Variants in SCUBE2 observed in about 807,000 individuals in gnomAD.
SCUBE2 encodes the protein signal peptide, CUB and EGF-like domain-containing protein 2.
SCUBE2 carries 114 observed loss-of-function variants against 125.9 expected under a neutral mutation model. That is an observed-to-expected ratio of 0.91 (90% CI 0.78 to 1.06). The LOEUF (loss-of-function observed/expected upper bound fraction) is 1.06, where lower values mean the gene tolerates loss of function less well. SCUBE2 is among the 50% of genes least tolerant of loss of function. The pLI, the probability that SCUBE2 is intolerant of heterozygous loss-of-function variation, is 0.00. For missense variants in SCUBE2, 1,255 were observed against 1,301.8 expected, an observed-to-expected ratio of 0.96 and a Z score of 0.55; for synonymous variants, 459 against 492.9, an observed-to-expected ratio of 0.93 and a Z score of 0.91.
chr11:9,090,255 T>C (rs1862521584), intron 1 of SCUBE2: 1 of 155,426 alleles, frequency 6.4e-6, no homozygotes, highest in Non-Finnish European at 1.4e-5. Context: ...GCGCAGTACC[T>C]GGCATGTGAG....
chr11:9,079,735 G>C (rs912473092), intron 2 of SCUBE2, among the ~76,000 whole-genome samples: 2 of 151,852 alleles, frequency 1.3e-5, no homozygotes, highest in Admixed American at 1.3e-4. Flanking sequence ...AATAAATTAT[G>C]GTACCTCTAC....
chr11:9,059,370 G>A lies in SCUBE2; in HGVS notation c.1023C>T (p.Ile341=), dbSNP rs148143116. The A allele has an allele frequency of 1.3e-4, 203 of 1,614,046 alleles. No individual in the cohort carries two copies. The highest frequency in any genetic ancestry group is 1.6e-4 in the Middle Eastern group (1 of 6,084). The change falls in exon 9 of 23, where the codon ATC becomes ATT. Residue 341 remains isoleucine (I), a synonymous_variant. Coordinates refer to ENST00000649792, the MANE Select transcript of SCUBE2 (RefSeq NM_001367977.2). ...NGGCDHFCKN[I]VGSFDCGCKK... is the part of the protein sequence containing the mutation. ...TGCAGCCGCAGTCAAAACTGCCCAC[G>A]ATGTTTTTGCAGAAATGATCACAAC...
rs1858603498 is a variant in SCUBE2, at chr11:9,053,166, G to C, written c.1380C>G (p.His460Gln). The change falls in exon 12 of 23, where the codon CAC becomes CAG. Residue 460 changes from histidine (H) to glutamine (Q), a missense_variant. Transcript: ENST00000649792. ...PTSVSPRVSLHCGKSGGGDGC... is the reference protein window; with the variant it reads ...PTSVSPRVSLQCGKSGGGDGC... ...CGTCTCCTCCACCACTCTTACCGCA[G>C]TGCAGGGACACACGGGGTGACACAC... 1.2e-6 allele frequency: 2 copies of C among 1,614,220 alleles called. No homozygotes were observed. Among genetic ancestry groups the C allele is most frequent in the East Asian group, 4.5e-5 (2 of 44,884 alleles).
At chr11:9,075,848 G>A (rs2135851578) in intron 3 of SCUBE2, among the ~76,000 whole-genome samples, 1 of 152,342 alleles carries the variant, frequency 6.6e-6, no homozygotes, top group South Asian at 2.1e-4. Flanking sequence ...CTGCAGGGCT[G>A]GGAGCCTTGT....
Position 9,062,618 on chromosome 11 carries a change from G to A in SCUBE2, c.851-2094C>T, listed in dbSNP as rs1859790042. ...AACAAAGATAATCTAGAGAACAGAA[G>A]AGGAGTTAAAATCTCGTAATTAATT... On this transcript the variant is annotated intron_variant, in intron 7 of 22. Coordinates refer to ENST00000649792, the MANE Select transcript of SCUBE2 (RefSeq NM_001367977.2). Among the ~76,000 whole-genome samples the A allele has an allele frequency of 2.6e-5, 4 of 152,170 alleles. No homozygotes were observed. In the South Asian group the frequency reaches 8.3e-4, roughly 32 times the overall value.
intron 5 of SCUBE2, among the ~76,000 whole-genome samples, chr11:9,068,604 A>AG (rs1246555983): frequency 6.6e-6 from 1 of 152,166 alleles, no homozygotes; most frequent in Non-Finnish European, 1.5e-5. Context: ...AGCACCCAGG[A>AG]GGCTTCTGAT....
At chr11:9,057,051 A>G (rs75282852) in intron 9 of SCUBE2, among the ~76,000 whole-genome samples, 4,209 of 152,352 alleles carry the variant, frequency 0.028, 85 homozygotes, top group Middle Eastern at 0.092. Flanking sequence ...CCGATCAGTG[A>G]AAAATGAGAA....
At chr11:9,025,068 G>C (rs1324810548) in intron 21 of SCUBE2, among the ~76,000 whole-genome samples, 1 of 152,184 alleles carries the variant, frequency 6.6e-6, no homozygotes, top group Non-Finnish European at 1.5e-5. Flanking sequence ...TATGCTCCTA[G>C]TCAATGTTTT....
At chr11:9,051,237 C>T (rs867222611) in intron 13 of SCUBE2, among the ~76,000 whole-genome samples, 97 of 150,386 alleles carry the variant, frequency 6.5e-4, no homozygotes, top group African/African-American at 1.7e-3. Context: ...TACCTACCTA[C>T]CTATCTATCT....
chr11:9,061,381 A>G (rs1348918287), intron 7 of SCUBE2, among the ~76,000 whole-genome samples: 1 of 147,842 alleles, frequency 6.8e-6, no homozygotes, highest in Non-Finnish European at 1.5e-5. Context: ...ACGTGGTGAG[A>G]CCCCCATCTC....
rs1858662206 is a variant in SCUBE2, at chr11:9,053,569, G to A, written c.1330+68C>T. ...ACGGTCAGGTGGGATGTGGGAGCAC[G>A]CAGAGCTGCACTGCCTCTGGGCCAG... On this transcript the variant is annotated intron_variant, in intron 11 of 22. Transcript: ENST00000649792. The A allele has an allele frequency of 4.4e-6, 7 of 1,577,082 alleles. No homozygotes were observed. The Admixed American group carries it at 6.8e-5, about 15-fold the overall frequency.
rs1206669870 is a variant in SCUBE2 at position 9,090,479 on chromosome 11, T to TTA, written c.134-652_134-651dup. On this transcript the variant is annotated intron_variant, in intron 1 of 22. Transcript: ENST00000649792. ...AAACATTATGAGATTTTTTTTTTAT[T>TTA]TATTTATTTATTTTTTTTTTTTGCT... The TTA allele has an allele frequency of 1.6e-4, 8 of 50,674 alleles. No homozygotes were observed. In the East Asian group the frequency reaches 5.5e-3, roughly 35 times the overall value. 3.1% of individuals were successfully genotyped at this position (50,674 alleles called of 1,614,324 possible).
At chr11:9,079,569 G>A in intron 2 of SCUBE2, 60 bp from the exon 3 acceptor site, 1 of 1,553,686 alleles carries the variant, frequency 6.4e-7, no homozygotes, top group Non-Finnish European at 8.8e-7. Flanking sequence ...GAAAACATAT[G>A]CACTTACCTC....
chr11:9,039,795 A>C (rs1758778708), intron 16 of SCUBE2, among the ~76,000 whole-genome samples: 1 of 152,132 alleles, frequency 6.6e-6, no homozygotes, highest in Admixed American at 6.5e-5. Flanking sequence ...GGCACCCACA[A>C]CTCGGGCGCA....
intron 4 of SCUBE2, 64 bp from the exon 5 acceptor site, chr11:9,069,559 C>A: frequency 6.2e-7 from 1 of 1,602,292 alleles, no homozygotes; most frequent in Non-Finnish European, 8.5e-7. Flanking sequence ...CCTGGGAGAG[C>A]GGCAAAGGGC....
chr11:9,089,288 G>T (rs1462884246), intron 2 of SCUBE2, among the ~76,000 whole-genome samples: 1 of 152,220 alleles, frequency 6.6e-6, no homozygotes, highest in Non-Finnish European at 1.5e-5. Flanking sequence ...CTCCTGAGCT[G>T]GTAGGGGAGG....
intron 4 of SCUBE2, among the ~76,000 whole-genome samples, chr11:9,071,258 A>C (rs963595793): frequency 2.0e-5 from 3 of 152,252 alleles, no homozygotes; most frequent in African/African-American, 4.8e-5. Context: ...TCTGTTTACA[A>C]GACTGTTAAG....
At chr11:9,029,795 G>C in intron 19 of SCUBE2, 89 bp downstream of exon 19, 1 of 1,408,214 alleles carries the variant, frequency 7.1e-7, no homozygotes, top group South Asian at 1.2e-5. Context: ...GTGAACCTGG[G>C]ACCTCTGCCC....
In SCUBE2 at chr11:9,055,881, G is replaced by T; in HGVS notation, c.1119C>A (p.Thr373=). The change falls in exon 10 of 23, where the codon ACC becomes ACA. Residue 373 remains threonine, a synonymous_variant. Coordinates refer to ENST00000649792, the MANE Select transcript of SCUBE2 (RefSeq NM_001367977.2). ...QDVDECSLDR[T]CDHSCINHPG... is the part of the protein sequence containing the mutation. The stretch of plus-strand genomic sequence containing the variant: ...GGTGGTTGATGCAGCTGTGGTCACA[G>T]GTCCTATCCAAAGAGCACTCATCCA... The T allele has an allele frequency of 6.2e-7, 1 of 1,614,176 alleles. No individual in the cohort carries two copies. The highest frequency in any genetic ancestry group is 8.5e-7 in the Non-Finnish European group (1 of 1,180,028).
Sources: allele counts gnomAD v4.1 joint callset (sites outside exome capture counted in the v4.1 genomes callset), GRCh38; gene constraint gnomAD v4.1.1; transcripts MANE v1.5; gene names NCBI Gene and HGNC (gene_info 2026-07-23, HGNC 2026-07-21).